SNTG2: variants seen among roughly 807,000 people sequenced by gnomAD.
SNTG2 encodes syntrophin gamma 2.
SNTG2 carries 74 observed loss-of-function variants against 70.9 expected under a neutral mutation model. That is an observed-to-expected ratio of 1.04 (90% CI 0.86 to 1.27). The LOEUF (loss-of-function observed/expected upper bound fraction) is 1.27, where lower values mean the gene tolerates loss of function less well. SNTG2 is among the 50% of genes most tolerant of loss of function. The pLI is 0.00. For synonymous variants in SNTG2, 278 were observed against 273.8 expected (o/e 1.02, Z -0.15); for missense variants, 717 against 690.7 (o/e 1.04, Z -0.43).
At chr2:1,250,617 T>C (rs1677698963) in intron 12 of SNTG2, among the ~76,000 whole-genome samples, 1 of 152,020 alleles carries the variant, frequency 6.6e-6, no homozygotes, top group Non-Finnish European at 1.5e-5. Flanking sequence ...TATTTCTCTC[T>C]ATCTCTGCCT....
rs796331214 is a variant in SNTG2 at position 1,361,908 on chromosome 2, A to G, written c.1489-5435A>G. 6.4e-4 allele frequency among the ~76,000 whole-genome samples: 27 copies of G among 42,484 alleles called. No homozygotes were observed. In the East Asian group the frequency reaches 7.8e-3, roughly 12 times the overall value. The allele number at this position is 42,484 out of a possible 152,430, so 27.9% of individuals were successfully genotyped here. Reference sequence around the variant, plus strand: ...GAGCATTTCAGTAGAACTTCCATGAAGGTCACCAACGCTGAGCATTTCAGT... The same window carrying G: ...GAGCATTTCAGTAGAACTTCCATGAGGGTCACCAACGCTGAGCATTTCAGT... On this transcript the variant is annotated intron_variant, in intron 16 of 16. Transcript: ENST00000308624.
At chr2:1,198,671 T>G (rs1673080117) in intron 8 of SNTG2, among the ~76,000 whole-genome samples, 1 of 151,640 alleles carries the variant, frequency 6.6e-6, no homozygotes, top group Non-Finnish European at 1.5e-5. Flanking sequence ...AAATAGAAGA[T>G]CCAAATAAAT....
chr2:1,300,268 G>T (rs534287186), intron 14 of SNTG2, among the ~76,000 whole-genome samples: 6 of 152,204 alleles, frequency 3.9e-5, no homozygotes, highest in South Asian at 2.1e-4. Context: ...TACCATCACC[G>T]CTCTGAAGTG....
At chr2:1,139,620 G>T (rs1572541534) in intron 6 of SNTG2, among the ~76,000 whole-genome samples, 2 of 152,216 alleles carry the variant, frequency 1.3e-5, no homozygotes, top group South Asian at 4.1e-4. Flanking sequence ...GAGGCCAGAG[G>T]TTCAAGTCCA....
At chr2:1,310,170 C>G (rs1206529928) in intron 15 of SNTG2, among the ~76,000 whole-genome samples, 1 of 152,208 alleles carries the variant, frequency 6.6e-6, no homozygotes, top group African/African-American at 2.4e-5. Flanking sequence ...GTTTGCGTAG[C>G]CCCCTCACTG....
At chr2:1,296,037 G>C (rs898390156) in intron 14 of SNTG2, among the ~76,000 whole-genome samples, 5 of 151,606 alleles carry the variant, frequency 3.3e-5, no homozygotes, top group Non-Finnish European at 7.4e-5. Context: ...GTAGAAGGCT[G>C]AGTCTCCCGT....
intron 14 of SNTG2, among the ~76,000 whole-genome samples, chr2:1,279,014 C>T (rs1428822338): frequency 1.1e-5 from 1 of 90,500 alleles, no homozygotes; most frequent in Non-Finnish European, 2.6e-5. Context: ...CGTGAATAAC[C>T]GCTGTCTGTG....
intron 1 of SNTG2, among the ~76,000 whole-genome samples, chr2:1,074,729 GTATT>G (rs1317799364): frequency 6.6e-6 from 1 of 152,098 alleles, no homozygotes; most frequent in Non-Finnish European, 1.5e-5. Context: ...AGTAAACAAA[GTATT>G]AAATTATAAA....
chr2:982,392 C>A (rs780502875), intron 1 of SNTG2, among the ~76,000 whole-genome samples: 6 of 152,174 alleles, frequency 3.9e-5, no homozygotes, highest in African/African-American at 1.4e-4. Context: ...TCCCTGCACA[C>A]CCCCTCGGTA....
At chr2:1,069,173 A>T (rs1663353100) in intron 1 of SNTG2, among the ~76,000 whole-genome samples, 2 of 152,174 alleles carry the variant, frequency 1.3e-5, no homozygotes, top group South Asian at 2.1e-4. Context: ...GATATTTTAT[A>T]AGATGCTAAG....
chr2:987,408 G>A (rs2147974193), intron 1 of SNTG2, among the ~76,000 whole-genome samples: 1 of 152,244 alleles, frequency 6.6e-6, no homozygotes, highest in Middle Eastern at 3.4e-3. Context: ...GAAGTCTCCT[G>A]GGGTGGAGAC....
chr2:965,989 G>A (rs1660552186), intron 1 of SNTG2, among the ~76,000 whole-genome samples: 1 of 152,194 alleles, frequency 6.6e-6, no homozygotes, highest in Non-Finnish European at 1.5e-5. Flanking sequence ...CTCCCACTCA[G>A]TCCCTGCTTC....
chr2:1,022,727 A>G (rs1477563354), intron 1 of SNTG2, among the ~76,000 whole-genome samples: 2 of 152,148 alleles, frequency 1.3e-5, no homozygotes, highest in African/African-American at 4.8e-5. Flanking sequence ...TTGCATTGGG[A>G]TTGGTGATTA....
Position 969,684 on chromosome 2 carries a change from A to C in SNTG2, c.72+18616A>C, listed in dbSNP as rs181609375. 3.9e-3 allele frequency among the ~76,000 whole-genome samples: 597 copies of C among 152,276 alleles called. 9 individuals carry two copies. Among genetic ancestry groups the C allele is most frequent in the African/African-American group, 0.014 (567 of 41,546 alleles). ...GCTTTGGAAGTTATTGGTGTTTAGA[A>C]ATGCTACTGAGTTTTGTATATTCAT... is the stretch of plus-strand genomic sequence containing the variant. On this transcript the variant is annotated intron_variant, in intron 1 of 16. Transcript: ENST00000308624.
chr2:1,020,297 A>G (rs6548174), intron 1 of SNTG2, among the ~76,000 whole-genome samples: 55,722 of 152,226 alleles, frequency 0.37, 11,086 homozygotes, highest in Middle Eastern at 0.52. Context: ...GGGCCCAGGC[A>G]TCTGGGCTTG....
intron 12 of SNTG2, among the ~76,000 whole-genome samples, chr2:1,251,754 A>G (rs1677786114): frequency 6.7e-6 from 1 of 148,622 alleles, no homozygotes; most frequent in Non-Finnish European, 1.5e-5. Context: ...CACACCACAC[A>G]CACACTACAC....
chr2:1,302,262 G>A (rs1680485898), intron 14 of SNTG2, among the ~76,000 whole-genome samples: 1 of 151,934 alleles, frequency 6.6e-6, no homozygotes, highest in East Asian at 1.9e-4. Context: ...CCCGGCCTGT[G>A]TTTACTAAAT....
intron 6 of SNTG2, among the ~76,000 whole-genome samples, chr2:1,140,487 G>A (rs569588066): frequency 7.0e-4 from 106 of 152,284 alleles, no homozygotes; most frequent in Non-Finnish European, 1.1e-3. Flanking sequence ...TCTCGGGGGC[G>A]GGCAGCAGGA....
At chr2:1,239,623 T>G in intron 10 of SNTG2, 115 bp from the exon 11 acceptor site, 1 of 1,086,000 alleles carries the variant, frequency 9.2e-7, no homozygotes, top group South Asian at 1.4e-5. Flanking sequence ...AAATATGTCA[T>G]TAAAGAGGCC....
Sources: allele counts gnomAD v4.1 joint callset (sites outside exome capture counted in the v4.1 genomes callset), GRCh38; gene constraint gnomAD v4.1.1; transcripts MANE v1.5; gene names NCBI Gene and HGNC (gene_info 2026-07-23, HGNC 2026-07-21).